CDH23: variants seen among roughly 807,000 people sequenced by gnomAD.
CDH23 encodes cadherin related 23, also known as cadherin-23.
A neutral mutation model predicts 317.1 loss-of-function variants in CDH23; 189 were observed. That is an observed-to-expected ratio of 0.60 (90% CI 0.53 to 0.67). The LOEUF is 0.67. Among genes scored for constraint, CDH23 ranks in the 30% least tolerant of loss-of-function variants. The pLI is 0.00. For missense variants in CDH23, 4,401 were observed against 4,592.4 expected, an observed-to-expected ratio of 0.96 and a Z score of 1.20; for synonymous variants, 1,839 against 1,876.8, an observed-to-expected ratio of 0.98 and a Z score of 0.52.
At position 71,724,127 on chromosome 10, in the gene CDH23, TG is replaced by T. The variant is rs778126293; in HGVS notation, c.3430+28del. The T allele has an allele frequency of 6.4e-6, 10 of 1,552,678 alleles. No individual in the cohort carries two copies. In the South Asian group the frequency reaches 7.1e-5, roughly 11 times the overall value. On this transcript the variant is annotated intron_variant, in intron 29 of 69. Transcript: ENST00000224721. ...CATGGTAAGTGGGGCTGCCCTAGGA[TG>T]GGGGGCGGTCCTCCTGCCCAGGGGA...
intron 1 of CDH23, among the ~76,000 whole-genome samples, chr10:71,407,683 C>T (rs1363947384): frequency 1.3e-5 from 2 of 152,214 alleles, no homozygotes; most frequent in African/African-American, 4.8e-5. Flanking sequence ...TGACCTTAGC[C>T]TGGGCTTTCC....
chr10:71,474,889 C>A (rs1564603524), intron 3 of CDH23, among the ~76,000 whole-genome samples: 1 of 152,382 alleles, frequency 6.6e-6, no homozygotes, highest in East Asian at 1.9e-4. Flanking sequence ...TGGATTCTTA[C>A]TTCTTTCTGA....
rs752407400 is a variant in CDH23, at chr10:71,724,056, G to T, written c.3381G>T (p.Thr1127=). The T allele has an allele frequency of 2.6e-6, 4 of 1,560,018 alleles. No individual in the cohort carries two copies. The highest frequency in any genetic ancestry group is 1.7e-6 in the Non-Finnish European group (2 of 1,151,556). The change falls in exon 29 of 70, where the codon ACG becomes ACT. Residue 1127 remains threonine, a synonymous_variant. Transcript: ENST00000224721. The part of the protein sequence containing the change: ...EGHSILQLKA[T]DADEGEFGRV... ...TCATTCTTCCTCAGCTGAAAGCCAC[G>T]GACGCAGATGAGGGCGAGTTTGGGC...
At chr10:71,806,536 G>GCA (rs1213994828) in intron 57 of CDH23, among the ~76,000 whole-genome samples, 24 of 148,316 alleles carry the variant, frequency 1.6e-4, no homozygotes, top group Admixed American at 1.4e-3. Flanking sequence ...GTCTTTGCCT[G>GCA]CACACACACA....
At chr10:71,574,546 C>T (rs538580377) in intron 8 of CDH23, among the ~76,000 whole-genome samples, 1 of 152,294 alleles carries the variant, frequency 6.6e-6, no homozygotes, top group East Asian at 1.9e-4. Flanking sequence ...CCCAAGGACG[C>T]CTCCTACTCC....
chr10:71,501,911 G>A (rs145618311), intron 3 of CDH23, among the ~76,000 whole-genome samples: 1 of 152,292 alleles, frequency 6.6e-6, no homozygotes, highest in East Asian at 1.9e-4. Context: ...TGGGACAGTT[G>A]GAGTGAGGAG....
intron 3 of CDH23, among the ~76,000 whole-genome samples, chr10:71,473,808 G>C (rs1851642379): frequency 6.6e-6 from 1 of 152,116 alleles, no homozygotes; most frequent in Non-Finnish European, 1.5e-5. Context: ...TGAGCAGTGG[G>C]CAGGGGTGCC....
chr10:71,563,891 G>A (rs1309563388), intron 6 of CDH23, among the ~76,000 whole-genome samples: 2 of 152,070 alleles, frequency 1.3e-5, no homozygotes, highest in African/African-American at 4.8e-5. Context: ...TGGGATTACA[G>A]GCACGCACCA....
intron 3 of CDH23, among the ~76,000 whole-genome samples, chr10:71,487,179 C>A (rs567791411): frequency 6.6e-6 from 1 of 152,164 alleles, no homozygotes; most frequent in Non-Finnish European, 1.5e-5. Context: ...TCTCTAAAAT[C>A]TACTGTCAGA....
chr10:71,557,230 A>G (rs970201841), intron 6 of CDH23, among the ~76,000 whole-genome samples: 2 of 152,240 alleles, frequency 1.3e-5, no homozygotes, highest in Non-Finnish European at 2.9e-5. Context: ...TATTTTCTCT[A>G]GAATTAGTAA....
At chr10:71,646,012 G>A (rs1452781167) in intron 13 of CDH23, 32 bp downstream of exon 13, 8 of 1,596,736 alleles carry the variant, frequency 5.0e-6, no homozygotes, top group Non-Finnish European at 6.8e-6. Context: ...TTTTGGAGTG[G>A]GGTGGGGGGT....
intron 26 of CDH23, among the ~76,000 whole-genome samples, chr10:71,708,102 G>A (rs753932977): frequency 3.3e-5 from 5 of 152,220 alleles, no homozygotes; most frequent in South Asian, 2.1e-4. Flanking sequence ...CACTATTTAC[G>A]TCCTAGTTCT....
chr10:71,724,825 A>T (rs974224868), intron 29 of CDH23, among the ~76,000 whole-genome samples: 10 of 152,236 alleles, frequency 6.6e-5, no homozygotes, highest in African/African-American at 1.7e-4. Context: ...AATCAGGGGT[A>T]AAGTCACTGC....
intron 7 of CDH23, among the ~76,000 whole-genome samples, chr10:71,567,950 C>T (rs1419865267): frequency 6.6e-6 from 1 of 152,258 alleles, no homozygotes; most frequent in Non-Finnish European, 1.5e-5. Flanking sequence ...ACATAGCTGT[C>T]AAGGGGCCTG....
intron 18 of CDH23, among the ~76,000 whole-genome samples, chr10:71,684,818 G>A (rs1403438874): frequency 1.3e-5 from 2 of 152,190 alleles, no homozygotes; most frequent in African/African-American, 4.8e-5. Flanking sequence ...AGTAAGGGAG[G>A]TCTAGGGAAA....
chr10:71,500,512 A>G (rs572332013), intron 3 of CDH23, among the ~76,000 whole-genome samples: 1 of 152,352 alleles, frequency 6.6e-6, no homozygotes, highest in African/African-American at 2.4e-5. Context: ...CCAGGGTGCT[A>G]GAGGGGAGCC....
chr10:71,643,892 G>A (rs768655258), intron 12 of CDH23, 26 bp downstream of exon 12: 1 of 766,144 alleles, frequency 1.3e-6, no homozygotes, highest in Admixed American at 1.7e-5. Context: ...AAGGGCAGGG[G>A]TTGGGCTTGG....
At position 71,799,300 on chromosome 10, in the gene CDH23, G is replaced by T; in HGVS notation, c.7224+20G>T. Reference sequence around the variant, plus strand: ...TACCAGGTGGGTGGCCAGGCCACAGGCTGGGTCCAGGACCTGCGCCCATTC... The same window carrying T: ...TACCAGGTGGGTGGCCAGGCCACAGTCTGGGTCCAGGACCTGCGCCCATTC... On this transcript the variant is annotated intron_variant, in intron 51 of 69. Coordinates refer to ENST00000224721, the MANE Select transcript of CDH23 (RefSeq NM_022124.6). 1.2e-6 allele frequency: 2 copies of T among 1,613,960 alleles called. No individual in the cohort carries two copies. Among genetic ancestry groups the T allele is most frequent in the Non-Finnish European group, 1.7e-6 (2 of 1,179,852 alleles).
At chr10:71,762,350 G>C (rs1199857897) in intron 38 of CDH23, among the ~76,000 whole-genome samples, 1 of 152,222 alleles carries the variant, frequency 6.6e-6, no homozygotes, top group Non-Finnish European at 1.5e-5. Flanking sequence ...GTGGGAGGCA[G>C]GTTGGGGAGC....
Sources: gnomAD v4.1 joint callset for allele counts (sites outside exome capture counted in the v4.1 genomes callset) on GRCh38, gnomAD v4.1.1 for gene constraint, MANE v1.5 for transcripts, NCBI Gene and HGNC (gene_info 2026-07-23, HGNC 2026-07-21) for gene names.